Variants in GRIA1 observed in about 807,000 individuals in gnomAD.
GRIA1 encodes glutamate ionotropic receptor AMPA type subunit 1.
In GRIA1, 31 loss-of-function variants were observed where a neutral mutation model predicts 99.2. That is an observed-to-expected ratio of 0.31 (90% CI 0.23 to 0.42). GRIA1 has a LOEUF of 0.42. Ranked by LOEUF, GRIA1 falls within the 10% of genes least tolerant of loss-of-function variation. The probability of loss-of-function intolerance (pLI) is 1.00; values close to 1 mark genes in which losing one functional copy is unlikely to be tolerated. For synonymous variants in GRIA1, 438 were observed against 432.4 expected, an observed-to-expected ratio of 1.01 and a Z score of -0.16; for missense variants, 782 against 1,157.5, an observed-to-expected ratio of 0.68 and a Z score of 4.71.
intron 2 of GRIA1, among the ~76,000 whole-genome samples, chr5:153,627,188 C>T (rs1214625704): frequency 6.6e-6 from 1 of 152,162 alleles, no homozygotes; most frequent in African/African-American, 2.4e-5. Flanking sequence ...ATAACTGCAG[C>T]AACAGAAACA....
At chr5:153,587,191 G>A (rs1165467719) in intron 2 of GRIA1, among the ~76,000 whole-genome samples, 2 of 152,048 alleles carry the variant, frequency 1.3e-5, no homozygotes, top group African/African-American at 4.8e-5. Flanking sequence ...TCAGGGCTTG[G>A]TGCTGTTCTT....
chr5:153,528,910 G>A (rs1156254164), intron 2 of GRIA1, among the ~76,000 whole-genome samples: 1 of 152,172 alleles, frequency 6.6e-6, no homozygotes, highest in Admixed American at 6.5e-5. Flanking sequence ...CTCCCTTAAT[G>A]TCTATGTGTC....
intron 5 of GRIA1, among the ~76,000 whole-genome samples, chr5:153,660,381 T>C (rs1755277165): frequency 6.6e-6 from 1 of 152,198 alleles, no homozygotes; most frequent in African/African-American, 2.4e-5. Context: ...TATCCTCAGA[T>C]GAAGAAACAG....
intron 11 of GRIA1, among the ~76,000 whole-genome samples, chr5:153,706,800 A>G (rs1472307749): frequency 6.6e-6 from 1 of 152,140 alleles, no homozygotes; most frequent in Non-Finnish European, 1.5e-5. Flanking sequence ...TGTAATTAAA[A>G]AGTGGAATTT....
chr5:153,660,331 A>G (rs944417420), intron 5 of GRIA1, among the ~76,000 whole-genome samples: 1 of 152,206 alleles, frequency 6.6e-6, no homozygotes, highest in Non-Finnish European at 1.5e-5. Context: ...ACTTAAATGC[A>G]TGTCAATTAA....
At chr5:153,711,041 G>A (rs1334979305) in intron 11 of GRIA1, among the ~76,000 whole-genome samples, 1 of 152,184 alleles carries the variant, frequency 6.6e-6, no homozygotes, top group Non-Finnish European at 1.5e-5. Context: ...TGCTCTCAAG[G>A]ACTGGAGGAG....
intron 2 of GRIA1, among the ~76,000 whole-genome samples, chr5:153,604,483 A>C (rs898971469): frequency 1.3e-5 from 2 of 152,186 alleles, no homozygotes; most frequent in African/African-American, 4.8e-5. Flanking sequence ...CTACATACTC[A>C]AGGCAAAACT....
chr5:153,595,043 C>T (rs1415174837), intron 2 of GRIA1, among the ~76,000 whole-genome samples: 2 of 152,034 alleles, frequency 1.3e-5, no homozygotes, highest in Admixed American at 6.6e-5. Context: ...AGTCAGTTAC[C>T]TTCATCCACT....
intron 2 of GRIA1, among the ~76,000 whole-genome samples, chr5:153,625,553 G>C (rs1767521483): frequency 6.6e-6 from 1 of 152,214 alleles, no homozygotes; most frequent in Non-Finnish European, 1.5e-5. Context: ...CAAAGGGAGA[G>C]TGGGATGAGA....
At chr5:153,586,951 T>C (rs1325784340) in intron 2 of GRIA1, among the ~76,000 whole-genome samples, 1 of 152,192 alleles carries the variant, frequency 6.6e-6, no homozygotes, top group Non-Finnish European at 1.5e-5. Context: ...GCTGATCTTG[T>C]GACATGTTCT....
At chr5:153,758,000 T>G (rs956264352) in intron 11 of GRIA1, among the ~76,000 whole-genome samples, 1 of 152,068 alleles carries the variant, frequency 6.6e-6, no homozygotes, top group Non-Finnish European at 1.5e-5. Flanking sequence ...TACAATAATA[T>G]GTTAAGAGGT....
upstream of GRIA1, chr5:153,489,706 C>T (rs1162043982): frequency 6.8e-6 from 3 of 442,482 alleles, no homozygotes; most frequent in Non-Finnish European, 1.4e-5. Context: ...GTTATTTCAG[C>T]AGAAGCCCTG....
rs1194079026 is a variant in GRIA1 at position 153,729,945 on chromosome 5, A to G, written c.1823+23878A>G. On this transcript the variant is annotated intron_variant, in intron 11 of 15. Coordinates refer to ENST00000285900, the MANE Select transcript of GRIA1 (RefSeq NM_000827.4). ...AAAAATGTCATGTGTGAACATACAC[A>G]TGTATGCAATTATTGTTTACTTAAT... Among the ~76,000 whole-genome samples the G allele has an allele frequency of 2.0e-5, 3 of 152,254 alleles. No homozygotes were observed. In the East Asian group the frequency reaches 5.8e-4, roughly 29 times the overall value.
At position 153,813,198 on chromosome 5, in the gene GRIA1, G is replaced by A. The variant is rs1766942765; in HGVS notation, c.*1973G>A. 6.6e-6 allele frequency: 1 copy of A among 152,208 alleles called. No homozygotes were observed. Among genetic ancestry groups the A allele is most frequent in the African/African-American group, 2.4e-5 (1 of 41,444 alleles). 9.4% of individuals were successfully genotyped at this position (152,208 alleles called of 1,614,324 possible). A position where few individuals can be genotyped will look rare whatever the true frequency, so the allele number is the denominator to read the frequency against. On this transcript the variant is annotated 3_prime_UTR_variant, in exon 16 of 16. Coordinates refer to ENST00000285900, the MANE Select transcript of GRIA1 (RefSeq NM_000827.4). ...AACCGGACCCTCAAGATGGATGATT[G>A]CTTTTAACTACTGCCAGCTGATGTC... is the stretch of plus-strand genomic sequence containing the variant.
rs755526943 is a variant in GRIA1, at chr5:153,698,063, A to G, written c.1154A>G (p.Asp385Gly). The change falls in exon 9 of 16, where the codon GAT (aspartate) becomes GGT (glycine). Residue 385 changes from aspartate to glycine, a missense_variant. Transcript: ENST00000285900. ...TAACAGATTGGTTACTGGAATGAAG[A>G]TGATAAGTTTGTCCCTGCAGCCACC... Reference protein sequence around the residue: ...GIRKIGYWNEDDKFVPAATDA... With the variant: ...GIRKIGYWNEGDKFVPAATDA... 3 of 1,603,720 alleles carry G rather than the reference A, an allele frequency of 1.9e-6. No individual in the cohort carries two copies. The highest frequency in any genetic ancestry group is 3.3e-5 in the Admixed American group (2 of 59,966).
chr5:153,734,998 G>T (rs921043651), intron 11 of GRIA1, among the ~76,000 whole-genome samples: 2 of 152,164 alleles, frequency 1.3e-5, no homozygotes, highest in African/African-American at 4.8e-5. Flanking sequence ...ATTTTTGGAT[G>T]CCACAACTTG....
intron 1 of GRIA1, chr5:153,491,418 TTCTC>T (rs1753906987): frequency 1.8e-6 from 1 of 555,372 alleles, no homozygotes; most frequent in Admixed American, 5.9e-5. Flanking sequence ...AGGCAGTGCT[TTCTC>T]TGCTGGGGGA....
chr5:153,753,493 A>G (rs1762625499), intron 11 of GRIA1, among the ~76,000 whole-genome samples: 1 of 152,190 alleles, frequency 6.6e-6, no homozygotes, highest in Non-Finnish European at 1.5e-5. Flanking sequence ...TGGATAAGAA[A>G]TATGAAATCC....
chr5:153,733,975 A>G (rs1243269697), intron 11 of GRIA1, among the ~76,000 whole-genome samples: 1 of 152,202 alleles, frequency 6.6e-6, no homozygotes, highest in African/African-American at 2.4e-5. Flanking sequence ...ATAAGGAAAC[A>G]TTGGACTTGA....
Sources: gnomAD v4.1 joint callset for allele counts (sites outside exome capture counted in the v4.1 genomes callset) on GRCh38, gnomAD v4.1.1 for gene constraint, MANE v1.5 for transcripts, NCBI Gene and HGNC (gene_info 2026-07-23, HGNC 2026-07-21) for gene names.